ZNF721: variants seen among roughly 807,000 people sequenced by gnomAD.
The protein encoded by ZNF721 is zinc finger protein 721.
A neutral mutation model predicts 2.4 loss-of-function variants in ZNF721; 2 were observed. The ratio of observed to expected loss-of-function variants is 0.82; its 90% confidence interval spans 0.34 to 2.58. The LOEUF (loss-of-function observed/expected upper bound fraction) is 2.58. Ranked by LOEUF, ZNF721 falls within the 30% of genes most tolerant of loss-of-function variation. ZNF721 has a pLI of 0.11. For missense variants in ZNF721, 1,187 were observed against 1,085.5 expected (o/e 1.09, Z -1.31); for synonymous variants, 398 against 381.8 (o/e 1.04, Z -0.50).
At chr4:484,040 G>T (rs1715834253) in intron 1 of ZNF721, among the ~76,000 whole-genome samples, 1 of 152,114 alleles carries the variant, frequency 6.6e-6, no homozygotes. Context: ...GGAAGTCAGG[G>T]GCCCCAAATG....
intron 1 of ZNF721, among the ~76,000 whole-genome samples, chr4:477,835 C>T (rs1715671614): frequency 6.6e-6 from 1 of 152,108 alleles, no homozygotes; most frequent in Non-Finnish European, 1.5e-5. Context: ...CGCTATATGA[C>T]CTTCCTGGGG....
At chr4:493,683 G>A (rs199748707) in intron 1 of ZNF721, among the ~76,000 whole-genome samples, 239 of 21,176 alleles carry the variant, frequency 0.011, no homozygotes, top group Non-Finnish European at 0.019. Context: ...CATCCCCCCC[G>A]CAAAAAAAAA....
At chr4:459,700 G>A (rs556115401) in intron 2 of ZNF721, among the ~76,000 whole-genome samples, 20 of 152,006 alleles carry the variant, frequency 1.3e-4, no homozygotes, top group South Asian at 6.2e-4. Context: ...GCGTGGTGGC[G>A]GGCGCCTGTA....
chr4:499,006 G>A (rs1576981439), intron 1 of ZNF721, 50 bp downstream of exon 1: 3 of 352,692 alleles, frequency 8.5e-6, no homozygotes, highest in Middle Eastern at 1.7e-3. Flanking sequence ...TTAAAGGCGT[G>A]AGCCACTGCA....
At chr4:473,230 G>A (rs900020570) in intron 1 of ZNF721, among the ~76,000 whole-genome samples, 5 of 152,104 alleles carry the variant, frequency 3.3e-5, no homozygotes, top group African/African-American at 9.7e-5. Flanking sequence ...CCAAAATTTT[G>A]CAGGTTTGAA....
intron 1 of ZNF721, among the ~76,000 whole-genome samples, chr4:496,531 AG>A (rs1716156704): frequency 6.6e-6 from 1 of 152,078 alleles, no homozygotes; most frequent in African/African-American, 2.4e-5. Context: ...GAGGGGAGGC[AG>A]GTGCTCTTAT....
chr4:472,594 G>A lies in ZNF721; in HGVS notation c.15C>T (p.Tyr5=), dbSNP rs1553867880. Residue 5 remains tyrosine, a synonymous_variant, in exon 2 of 3, where the codon TAC becomes TAT. Transcript: ENST00000511833. MLEN[Y]RNLVSLAMCS... is the part of the protein sequence containing the mutation. ...CCTCACCTAGGGAGACCAGGTTTCTGTAGTTCTCCAACATCACATCTCTAT... is the reference window on the plus strand; with the variant it reads ...CCTCACCTAGGGAGACCAGGTTTCTATAGTTCTCCAACATCACATCTCTAT... 1.9e-6 allele frequency: 3 copies of A among 1,613,580 alleles called. No individual in the cohort carries two copies. Among genetic ancestry groups the A allele is most frequent in the African/African-American group, 1.3e-5 (1 of 74,982 alleles).
chr4:484,525 C>A (rs577357943), intron 1 of ZNF721, among the ~76,000 whole-genome samples: 1 of 152,168 alleles, frequency 6.6e-6, no homozygotes, highest in Non-Finnish European at 1.5e-5. Flanking sequence ...CAGCAAGGAA[C>A]GTCCCTGAGA....
rs75099324 is a variant in ZNF721, at chr4:465,813, T to C, written c.34+6762A>G. On this transcript the variant is annotated intron_variant, in intron 2 of 2. Coordinates refer to ENST00000511833, the MANE Select transcript of ZNF721 (RefSeq NM_133474.4). ...AAAAACAAAACAAAACTGTAGTAGATACACACACAAAAAAGGAAACCAAAG... is the reference window on the plus strand; with the variant it reads ...AAAAACAAAACAAAACTGTAGTAGACACACACACAAAAAAGGAAACCAAAG... Among the ~76,000 whole-genome samples, 21 of 150,120 alleles carry C rather than the reference T, an allele frequency of 1.4e-4. No homozygotes were observed. The East Asian group carries it at 3.1e-3, about 22-fold the overall frequency.
At position 444,399 on chromosome 4, in the gene ZNF721, G is replaced by A. The variant is rs1553863922; in HGVS notation, c.68C>T (p.Pro23Leu). The A allele has an allele frequency of 1.3e-6, 2 of 1,590,032 alleles. No individual in the cohort carries two copies. Among genetic ancestry groups the A allele is most frequent in the Non-Finnish European group, 1.7e-6 (2 of 1,170,390 alleles). Residue 23 changes from proline (P) to leucine (L), a missense_variant, in exon 3 of 3, where the codon CCA becomes CTA. By Grantham distance (98) the Pro-to-Leu change is moderately conservative. Coordinates refer to ENST00000511833, the MANE Select transcript of ZNF721 (RefSeq NM_133474.4). ...GAATGAATCTTCTATCCCCTGCACT[G>A]GCAAAAAGTCTTGGGTGAAATGAGA... ...MCSHFTQDFL[P>L]VQGIEDSFHK...
intron 2 of ZNF721, among the ~76,000 whole-genome samples, chr4:469,892 CT>C (rs1211527736): frequency 1.3e-5 from 2 of 151,482 alleles, no homozygotes; most frequent in Non-Finnish European, 2.9e-5. Flanking sequence ...AAAAGTAGAA[CT>C]TTTTTTTTGA....
intron 2 of ZNF721, among the ~76,000 whole-genome samples, chr4:471,830 CAT>C (rs1193397163): frequency 1.3e-5 from 2 of 152,000 alleles, no homozygotes; most frequent in African/African-American, 4.8e-5. Flanking sequence ...AAAATATATG[CAT>C]ATATTACAAA....
intron 2 of ZNF721, chr4:453,975 C>G (rs1182158186): frequency 6.6e-6 from 1 of 151,988 alleles, no homozygotes; most frequent in Admixed American, 6.6e-5. Flanking sequence ...TCCCCACCCA[C>G]CCGCCACTTT....
chr4:453,396 C>T (rs574709795), intron 2 of ZNF721: 3 of 152,358 alleles, frequency 2.0e-5, no homozygotes, highest in African/African-American at 4.8e-5. Flanking sequence ...TCCTGGCACA[C>T]ACCACCATTA....
At chr4:483,509 G>A (rs1203793513) in intron 1 of ZNF721, among the ~76,000 whole-genome samples, 2 of 151,436 alleles carry the variant, frequency 1.3e-5, no homozygotes, top group African/African-American at 2.4e-5. Context: ...CCAAGATCGC[G>A]CCACTGCACT....
intron 2 of ZNF721, among the ~76,000 whole-genome samples, chr4:448,264 G>A (rs1234347297): frequency 3.3e-5 from 5 of 151,728 alleles, no homozygotes; most frequent in South Asian, 2.1e-4. Flanking sequence ...TATAAACCCC[G>A]TCTCTACTAA....
chr4:474,121 A>C, intron 1 of ZNF721: 1 of 1,099,126 alleles, frequency 9.1e-7, no homozygotes, highest in South Asian at 1.3e-5. Flanking sequence ...TGAGGCCCTA[A>C]CCGAGCTCAG....
chr4:494,327 G>A (rs1553871920), intron 1 of ZNF721, among the ~76,000 whole-genome samples: 1 of 151,184 alleles, frequency 6.6e-6, no homozygotes, highest in African/African-American at 2.4e-5. Context: ...GACTACAGGC[G>A]CCCGCCACCA....
At chr4:455,992 C>A (rs890390284) in intron 2 of ZNF721, among the ~76,000 whole-genome samples, 10 of 152,120 alleles carry the variant, frequency 6.6e-5, no homozygotes, top group African/African-American at 2.2e-4. Flanking sequence ...TGGTAATATT[C>A]CACTGTTTCT....
Sources: gnomAD v4.1 joint callset for allele counts (sites outside exome capture counted in the v4.1 genomes callset) on GRCh38, gnomAD v4.1.1 for gene constraint, MANE v1.5 for transcripts, NCBI Gene and HGNC (gene_info 2026-07-23, HGNC 2026-07-21) for gene names.